PAN3: variants seen among roughly 807,000 people sequenced by gnomAD.
The protein encoded by PAN3 is poly(A) specific ribonuclease subunit PAN3, also known as PAN2-PAN3 deadenylation complex subunit PAN3.
Under a neutral mutation model 96.2 loss-of-function variants are expected in PAN3, and 19 were observed. The observed-to-expected ratio is 0.20, with a 90% CI of 0.14 to 0.29. PAN3 has a LOEUF of 0.29. PAN3 is among the 10% of genes least tolerant of loss of function. The pLI is 1.00. For synonymous variants in PAN3, 433 were observed against 406.6 expected, an observed-to-expected ratio of 1.06 and a Z score of -0.78; for missense variants, 882 against 1,108.1, an observed-to-expected ratio of 0.80 and a Z score of 2.90.
intron 6 of PAN3, among the ~76,000 whole-genome samples, chr13:28,245,385 G>A (rs1389895927): frequency 6.8e-6 from 1 of 148,120 alleles, no homozygotes. Context: ...AAATGTAAGT[G>A]GGTTCCTTTT....
At chr13:28,144,794 C>T (rs1870405044) in intron 1 of PAN3, among the ~76,000 whole-genome samples, 1 of 143,418 alleles carries the variant, frequency 7.0e-6, no homozygotes, top group Non-Finnish European at 1.5e-5. Context: ...CATCTTGGCT[C>T]ACTGCAACCT....
chr13:28,274,485 G>A (rs911255645), intron 14 of PAN3, among the ~76,000 whole-genome samples: 2 of 149,794 alleles, frequency 1.3e-5, no homozygotes, highest in African/African-American at 2.5e-5. Context: ...CTAGAAACCC[G>A]TGTCTGCATT....
At chr13:28,258,894 A>AT (rs1271219538) in intron 7 of PAN3, among the ~76,000 whole-genome samples, 2 of 152,224 alleles carry the variant, frequency 1.3e-5, no homozygotes, top group Non-Finnish European at 2.9e-5. Flanking sequence ...CTAATGCAGT[A>AT]TAAGTGCTTT....
At position 28,294,043 on chromosome 13, in the gene PAN3, G is replaced by C. The variant is rs753627078; in HGVS notation, c.*1521G>C. 4.5e-4 allele frequency: 69 copies of C among 152,566 alleles called. No homozygotes were observed. Among genetic ancestry groups the C allele is most frequent in the Non-Finnish European group, 8.4e-4 (57 of 67,986 alleles). The allele number at this position is 152,566 out of a possible 1,614,324, so 9.5% of individuals were successfully genotyped here. A position where few individuals can be genotyped will look rare whatever the true frequency, so the allele number is the denominator to read the frequency against. ...ATATTTCTCTGTCCACTTTTTATAAGCTTTAAAATGATTTTCTCTGCCTTG... is the reference window on the plus strand; with the variant it reads ...ATATTTCTCTGTCCACTTTTTATAACCTTTAAAATGATTTTCTCTGCCTTG... On this transcript the variant is annotated 3_prime_UTR_variant, in exon 19 of 19. Transcript: ENST00000380958.
chr13:28,234,848 T>C (rs1882931714), intron 6 of PAN3, among the ~76,000 whole-genome samples: 1 of 152,170 alleles, frequency 6.6e-6, no homozygotes, highest in African/African-American at 2.4e-5. Flanking sequence ...CTACTTGGCT[T>C]TCATATTATA....
At chr13:28,237,369 A>G (rs188897868) in intron 6 of PAN3, among the ~76,000 whole-genome samples, 9 of 152,326 alleles carry the variant, frequency 5.9e-5, no homozygotes, top group Admixed American at 2.0e-4. Flanking sequence ...GAACCTAACT[A>G]TATCACTGGA....
intron 6 of PAN3, among the ~76,000 whole-genome samples, chr13:28,253,504 C>G (rs1286616452): frequency 6.6e-6 from 1 of 151,788 alleles, no homozygotes. Flanking sequence ...TTTTAATTTC[C>G]TATGCAATTT....
intron 5 of PAN3, among the ~76,000 whole-genome samples, chr13:28,211,347 T>A (rs922952491): frequency 2.3e-4 from 35 of 152,236 alleles, no homozygotes; most frequent in Non-Finnish European, 2.1e-4. Context: ...TCACTCCCAG[T>A]GGCATGGATA....
chr13:28,252,761 A>G (rs9582028), intron 6 of PAN3, among the ~76,000 whole-genome samples: 14,225 of 152,148 alleles, frequency 0.093, 829 homozygotes, highest in African/African-American at 0.17. Context: ...TCAAGAGTAA[A>G]TGACAAAAAA....
chr13:28,192,927 A>T (rs6491266), intron 4 of PAN3, among the ~76,000 whole-genome samples: 250 of 152,264 alleles, frequency 1.6e-3, no homozygotes, highest in African/African-American at 5.6e-3. Flanking sequence ...CTCTTTTCAG[A>T]TGTTATTTTG....
chr13:28,178,006 G>C, intron 4 of PAN3, 71 bp downstream of exon 4: 1 of 1,397,844 alleles, frequency 7.2e-7, no homozygotes, highest in East Asian at 2.3e-5. Context: ...TACCTATGTA[G>C]TGTCAATGTT....
In PAN3 at chr13:28,242,615, G is replaced by T. The variant is rs193172774; in HGVS notation, c.1001-13677G>T. Among the ~76,000 whole-genome samples the T allele has an allele frequency of 2.0e-5, 3 of 152,322 alleles. No homozygotes were observed. In the East Asian group the frequency reaches 5.8e-4, roughly 29 times the overall value. ...AGGATGAACTAGAATTTACTGTGAG[G>T]TTGAGGTTTAGAGTATTTGGTGTTG... On this transcript the variant is annotated intron_variant, in intron 6 of 18. Coordinates refer to ENST00000380958, the MANE Select transcript of PAN3 (RefSeq NM_175854.8).
At chr13:28,289,611 G>A (rs541351323) in intron 18 of PAN3, among the ~76,000 whole-genome samples, 118 of 152,360 alleles carry the variant, frequency 7.7e-4, no homozygotes, top group Middle Eastern at 3.4e-3. Flanking sequence ...GCTAGGCGCA[G>A]TAGCTCGCGC....
At chr13:28,218,771 G>T (rs914985166) in intron 5 of PAN3, among the ~76,000 whole-genome samples, 2 of 152,046 alleles carry the variant, frequency 1.3e-5, no homozygotes, top group African/African-American at 4.8e-5. Flanking sequence ...ATAGAAACTG[G>T]GTAATACCTG....
At chr13:28,193,464 C>T (rs1007229694) in intron 4 of PAN3, among the ~76,000 whole-genome samples, 4 of 151,990 alleles carry the variant, frequency 2.6e-5, no homozygotes, top group Non-Finnish European at 4.4e-5. Context: ...TTTTTGGGGA[C>T]GGGCACGTGG....
chr13:28,228,089 C>T (rs1393525731), intron 6 of PAN3, among the ~76,000 whole-genome samples: 1 of 152,138 alleles, frequency 6.6e-6, no homozygotes, highest in Non-Finnish European at 1.5e-5. Context: ...AACCTTTTAG[C>T]TCAGTGATAC....
At chr13:28,263,036 C>A (rs1885864829) in intron 9 of PAN3, among the ~76,000 whole-genome samples, 1 of 152,144 alleles carries the variant, frequency 6.6e-6, no homozygotes, top group Non-Finnish European at 1.5e-5. Flanking sequence ...GCATAACTTC[C>A]AGTCAAATCT....
intron 6 of PAN3, chr13:28,240,176 T>C (rs1243708023): frequency 1.3e-5 from 2 of 152,150 alleles, no homozygotes; most frequent in Non-Finnish European, 2.9e-5. Flanking sequence ...TAAGATATAA[T>C]GAATTTTTAC....
At chr13:28,276,086 T>TATGCAG (rs1302944236) in intron 14 of PAN3, among the ~76,000 whole-genome samples, 1 of 152,180 alleles carries the variant, frequency 6.6e-6, no homozygotes, top group African/African-American at 2.4e-5. Context: ...TGGTTCTCAA[T>TATGCAG]CCTGGCTGCA....
Sources: gnomAD v4.1 joint callset for allele counts (sites outside exome capture counted in the v4.1 genomes callset) on GRCh38, gnomAD v4.1.1 for gene constraint, MANE v1.5 for transcripts, NCBI Gene and HGNC (gene_info 2026-07-23, HGNC 2026-07-21) for gene names.